The following EXPH5 variants were observed in gnomAD, a reference collection of about 807,000 sequenced individuals.
EXPH5 encodes exophilin-5.
A neutral mutation model predicts 41.1 loss-of-function variants in EXPH5; 42 were observed. The ratio of observed to expected loss-of-function variants is 1.02; its 90% CI spans 0.80 to 1.32. EXPH5 has a LOEUF of 1.32. Among genes scored for constraint, EXPH5 ranks in the 40% most tolerant of loss-of-function variants. The probability of loss-of-function intolerance (pLI) is 0.00; values close to 1 mark genes in which losing one functional copy is unlikely to be tolerated. For missense variants in EXPH5, 2,298 were observed against 2,314.5 expected (o/e 0.99, Z 0.15); for synonymous variants, 798 against 833.5 (o/e 0.96, Z 0.73).
In EXPH5 at chr11:108,541,653, A is replaced by G; in HGVS notation, c.279T>C (p.Asn93=). The G allele has an allele frequency of 6.3e-7, 1 of 1,593,880 alleles. No individual in the cohort carries two copies. Among genetic ancestry groups the G allele is most frequent in the Non-Finnish European group, 8.5e-7 (1 of 1,170,912 alleles). ...TTAAATCTAAAATCTTTTTCTTACC[A>G]TTTTTTGCCATCTCCTTACTTAGCC... The part of the protein sequence containing the change: ...TYRLSKEMAK[N]DPIELPTSRS... The change falls in exon 2 of 6, where the codon AAT becomes AAC. Residue 93 remains asparagine (N), a splice_region_variant and synonymous_variant. Coordinates refer to ENST00000265843, the MANE Select transcript of EXPH5 (RefSeq NM_015065.3).
At chr11:108,517,913 C>G (rs2093737371) in intron 5 of EXPH5, among the ~76,000 whole-genome samples, 1 of 152,110 alleles carries the variant, frequency 6.6e-6, no homozygotes, top group African/African-American at 2.4e-5. Flanking sequence ...TGCGTGCCAC[C>G]ATGCCTAGCT....
intron 1 of EXPH5, among the ~76,000 whole-genome samples, chr11:108,578,420 A>G (rs1591756762): frequency 6.6e-6 from 1 of 152,046 alleles, no homozygotes; most frequent in African/African-American, 2.4e-5. Context: ...GTACCATGTT[A>G]TTTTAGTTAC....
rs2135982983 is a variant in EXPH5, at chr11:108,528,178, A to G, written c.450T>C (p.Asp150=). 6.2e-7 allele frequency: 1 copy of G among 1,610,154 alleles called. No individual in the cohort carries two copies. Among genetic ancestry groups the G allele is most frequent in the Non-Finnish European group, 8.5e-7 (1 of 1,176,490 alleles). Residue 150 remains aspartate, a synonymous_variant, in exon 4 of 6, where the codon GAT becomes GAC. Coordinates refer to ENST00000265843, the MANE Select transcript of EXPH5 (RefSeq NM_015065.3). ...CAGGCATAGGAGGTCCTGCATGGCC[A>G]TCACATCTGTGGAAATAATTTGAAA... The part of the protein sequence containing the change: ...KLPSLGQKGC[D]GHAGPPMPVR...
At chr11:108,567,496 A>G (rs1041189081) in intron 1 of EXPH5, among the ~76,000 whole-genome samples, 1 of 152,140 alleles carries the variant, frequency 6.6e-6, no homozygotes, top group African/African-American at 2.4e-5. Flanking sequence ...ACTGCTGTCC[A>G]TGCCACCCCT....
chr11:108,569,495 A>G, intron 1 of EXPH5, among the ~76,000 whole-genome samples: 1 of 151,420 alleles, frequency 6.6e-6, no homozygotes, highest in African/African-American at 2.5e-5. Context: ...ACACGCCACC[A>G]TGCCTGGCTA....
chr11:108,597,087 G>C (rs2094139871), upstream of EXPH5, among the ~76,000 whole-genome samples: 2 of 152,126 alleles, frequency 1.3e-5, no homozygotes, highest in Non-Finnish European at 2.9e-5. Flanking sequence ...ACCCTCTCTA[G>C]TCTGTTGGCC....
chr11:108,530,143 A>AT (rs1418691396), intron 3 of EXPH5, among the ~76,000 whole-genome samples: 7 of 152,198 alleles, frequency 4.6e-5, no homozygotes, highest in African/African-American at 1.7e-4. Context: ...AAAACTATGG[A>AT]TTTTTCCATA....
chr11:108,588,583 C>T (rs1266768907), intron 1 of EXPH5, among the ~76,000 whole-genome samples: 1 of 152,166 alleles, frequency 6.6e-6, no homozygotes, highest in Non-Finnish European at 1.5e-5. Context: ...TATCCCTTAA[C>T]TCATCAGGTT....
the EXPH5 span, among the ~76,000 whole-genome samples, chr11:108,599,670 A>G: frequency 1.3e-5 from 2 of 152,206 alleles, no homozygotes; most frequent in African/African-American, 4.8e-5. Flanking sequence ...CCTTATAGCA[A>G]TTCTACCTAC....
At chr11:108,603,273 G>A in the EXPH5 span, among the ~76,000 whole-genome samples, 1 of 152,164 alleles carries the variant, frequency 6.6e-6, no homozygotes. Context: ...ACATATTTTG[G>A]AGCTAGATAG....
In EXPH5 at chr11:108,515,795, G is replaced by A. The variant is rs554827077; in HGVS notation, c.632-920C>T. Among the ~76,000 whole-genome samples the A allele has an allele frequency of 7.9e-5, 12 of 152,208 alleles. No homozygotes were observed. The South Asian group carries it at 8.3e-4, about 11-fold the overall frequency. On this transcript the variant is annotated intron_variant, in intron 5 of 5. Transcript: ENST00000265843. The stretch of plus-strand genomic sequence containing the variant: ...TGCCATAAAAGCTCACTTTTGGGCC[G>A]GGCACGGTGGCTCATGCCTGTAATC...
At chr11:108,584,784 T>G (rs754125436) in intron 1 of EXPH5, among the ~76,000 whole-genome samples, 1 of 152,194 alleles carries the variant, frequency 6.6e-6, no homozygotes, top group Admixed American at 6.5e-5. Flanking sequence ...GTGTAAGACA[T>G]AAAACTATAA....
At chr11:108,560,264 T>G (rs569769754) in intron 1 of EXPH5, among the ~76,000 whole-genome samples, 6 of 152,332 alleles carry the variant, frequency 3.9e-5, no homozygotes, top group African/African-American at 1.4e-4. Flanking sequence ...AAAGGAAGCT[T>G]GTTGTTGACA....
At chr11:108,587,645 TA>T (rs761508510) in intron 1 of EXPH5, among the ~76,000 whole-genome samples, 10 of 152,246 alleles carry the variant, frequency 6.6e-5, no homozygotes, top group Non-Finnish European at 1.5e-4. Context: ...ATTTATTTTT[TA>T]AAAGACATTT....
chr11:108,570,113 G>A (rs1321581788), intron 1 of EXPH5, among the ~76,000 whole-genome samples: 1 of 152,188 alleles, frequency 6.6e-6, no homozygotes, highest in Non-Finnish European at 1.5e-5. Context: ...TCCTGAAATG[G>A]CCCAGGCCCC....
chr11:108,585,034 G>T (rs550322396), intron 1 of EXPH5, among the ~76,000 whole-genome samples: 54 of 152,162 alleles, frequency 3.5e-4, no homozygotes, highest in African/African-American at 1.2e-3. Flanking sequence ...AATATATAAA[G>T]AATTCTCAAA....
the EXPH5 span, among the ~76,000 whole-genome samples, chr11:108,599,120 G>A: frequency 6.6e-6 from 1 of 151,976 alleles, no homozygotes; most frequent in Non-Finnish European, 1.5e-5. Flanking sequence ...CTGGCTTCTG[G>A]GATAATAAAA....
chr11:108,542,104 T>G (rs1208737867), intron 1 of EXPH5, among the ~76,000 whole-genome samples: 1 of 152,146 alleles, frequency 6.6e-6, no homozygotes, highest in East Asian at 1.9e-4. Flanking sequence ...GGTCTCGAAC[T>G]CCTGAGCTCA....
chr11:108,592,991 C>T (rs902307537), intron 1 of EXPH5, among the ~76,000 whole-genome samples: 8 of 152,244 alleles, frequency 5.3e-5, no homozygotes, highest in Admixed American at 5.2e-4. Flanking sequence ...CTGTCGGACC[C>T]GTGCGAGCAC....
Sources: gnomAD v4.1 joint callset for allele counts (sites outside exome capture counted in the v4.1 genomes callset) on GRCh38, gnomAD v4.1.1 for gene constraint, MANE v1.5 for transcripts, NCBI Gene and HGNC (gene_info 2026-07-23, HGNC 2026-07-21) for gene names.